The following PLXNA4 variants were observed in gnomAD, a reference collection of about 807,000 sequenced individuals.
PLXNA4 encodes plexin A4, also known as plexin-A4.
Under a neutral mutation model 191.8 loss-of-function variants are expected in PLXNA4, and 44 were observed. The observed-to-expected ratio is 0.23, with a 90% CI of 0.18 to 0.29. The LOEUF is 0.29. Ranked by LOEUF, PLXNA4 falls within the 10% of genes least tolerant of loss-of-function variation. The probability of loss-of-function intolerance (pLI) is 1.00; values close to 1 mark genes in which losing one functional copy is unlikely to be tolerated. For missense variants in PLXNA4, 1,800 were observed against 2,488.8 expected, an observed-to-expected ratio of 0.72 and a Z score of 5.89; for synonymous variants, 1,082 against 1,009.5, an observed-to-expected ratio of 1.07 and a Z score of -1.36.
At chr7:132,530,946 ATAT>A in intron 1 of PLXNA4, among the ~76,000 whole-genome samples, 1 of 152,386 alleles carries the variant, frequency 6.6e-6, no homozygotes, top group South Asian at 2.1e-4. Context: ...AACCTTAAAA[ATAT>A]TATGCTAAGT....
chr7:132,387,395 G>C (rs1437518415), intron 3 of PLXNA4, among the ~76,000 whole-genome samples: 2 of 152,228 alleles, frequency 1.3e-5, no homozygotes, highest in East Asian at 1.9e-4. Flanking sequence ...TTTGAGTAAA[G>C]GAGATACTCA....
intron 3 of PLXNA4, among the ~76,000 whole-genome samples, chr7:132,472,945 C>A (rs1041001503): frequency 6.6e-6 from 1 of 152,198 alleles, no homozygotes; most frequent in Non-Finnish European, 1.5e-5. Context: ...GGACACACTT[C>A]GTTTGAGATG....
chr7:132,220,818 T>C (rs1338221499), intron 9 of PLXNA4, among the ~76,000 whole-genome samples: 3 of 146,228 alleles, frequency 2.1e-5, no homozygotes, highest in Non-Finnish European at 3.0e-5. Flanking sequence ...TTCTTTTTTT[T>C]TTTTTTTTTT....
At chr7:132,272,884 A>G (rs1800130335) in intron 4 of PLXNA4, among the ~76,000 whole-genome samples, 1 of 152,106 alleles carries the variant, frequency 6.6e-6, no homozygotes, top group African/African-American at 2.4e-5. Context: ...CTCGTTCTCC[A>G]TGTTACCTCT....
At chr7:132,230,924 C>G (rs934360842) in intron 5 of PLXNA4, among the ~76,000 whole-genome samples, 4 of 152,194 alleles carry the variant, frequency 2.6e-5, no homozygotes, top group Non-Finnish European at 5.9e-5. Context: ...AGACAGGACT[C>G]TATCTCTCTT....
chr7:132,514,597 T>C (rs1360717387), intron 1 of PLXNA4, among the ~76,000 whole-genome samples: 1 of 152,070 alleles, frequency 6.6e-6, no homozygotes, highest in Non-Finnish European at 1.5e-5. Context: ...GTGGGCCTCA[T>C]GTAATCAGTT....
intron 3 of PLXNA4, among the ~76,000 whole-genome samples, chr7:132,377,311 G>A (rs950494347): frequency 6.6e-6 from 1 of 151,392 alleles, no homozygotes; most frequent in Non-Finnish European, 1.5e-5. Context: ...CAAGCCAAGT[G>A]ACCTTTGCCT....
intron 3 of PLXNA4, among the ~76,000 whole-genome samples, chr7:132,472,359 T>A (rs1796963635): frequency 6.6e-6 from 1 of 152,236 alleles, no homozygotes; most frequent in African/African-American, 2.4e-5. Context: ...ATCAATTATC[T>A]ATATTTTGCT....
intron 2 of PLXNA4, among the ~76,000 whole-genome samples, chr7:132,591,250 A>G (rs1489681780): frequency 6.6e-6 from 1 of 152,192 alleles, no homozygotes; most frequent in East Asian, 1.9e-4. Context: ...GACAAGAGGG[A>G]AGAAAAGCGA....
chr7:132,570,643 T>C (rs914807106), intron 1 of PLXNA4, among the ~76,000 whole-genome samples: 7 of 152,192 alleles, frequency 4.6e-5, no homozygotes, highest in Non-Finnish European at 1.0e-4. Flanking sequence ...CCACTGCTTC[T>C]CTCCTCATAC....
At chr7:132,515,999 A>G (rs745836641) in intron 1 of PLXNA4, among the ~76,000 whole-genome samples, 1 of 152,212 alleles carries the variant, frequency 6.6e-6, no homozygotes, top group Non-Finnish European at 1.5e-5. Flanking sequence ...TAGGTGTATA[A>G]TAGATGTTTG....
intron 1 of PLXNA4, among the ~76,000 whole-genome samples, chr7:132,563,275 C>G (rs1801425565): frequency 8.1e-6 from 1 of 122,850 alleles, no homozygotes; most frequent in East Asian, 2.8e-4. Flanking sequence ...CTTCATCCTC[C>G]TCCTCCTTCT....
chr7:132,445,485 A>G (rs1795871512), intron 3 of PLXNA4, among the ~76,000 whole-genome samples: 1 of 151,634 alleles, frequency 6.6e-6, no homozygotes, highest in Non-Finnish European at 1.5e-5. Flanking sequence ...CTAGTTGCCT[A>G]CTGCCATGGG....
intron 9 of PLXNA4, among the ~76,000 whole-genome samples, chr7:132,218,563 T>C (rs1299271209): frequency 1.3e-5 from 2 of 152,256 alleles, no homozygotes; most frequent in Non-Finnish European, 2.9e-5. Context: ...GATTTGCTTT[T>C]GCAAGGAAGT....
intron 9 of PLXNA4, 94 bp from the exon 10 acceptor site, chr7:132,211,237 C>G: frequency 1.5e-6 from 2 of 1,353,012 alleles, no homozygotes; most frequent in South Asian, 2.7e-5. Flanking sequence ...CTGTCTCCAC[C>G]CTTCCATGGA....
At chr7:132,620,207 G>A (rs912035413) in intron 2 of PLXNA4, among the ~76,000 whole-genome samples, 16 of 152,300 alleles carry the variant, frequency 1.1e-4, no homozygotes, top group Admixed American at 5.9e-4. Flanking sequence ...CAGTATGCAC[G>A]TTCTCATAAT....
chr7:132,450,849 GT>G (rs1796094210), intron 3 of PLXNA4, among the ~76,000 whole-genome samples: 1 of 152,186 alleles, frequency 6.6e-6, no homozygotes, highest in Admixed American at 6.5e-5. Flanking sequence ...CCCTGAGCAA[GT>G]CGGAGGCCCA....
intron 9 of PLXNA4, among the ~76,000 whole-genome samples, chr7:132,220,810 CTTTTT>C (rs35090579): frequency 9.9e-6 from 1 of 100,782 alleles, no homozygotes; most frequent in Non-Finnish European, 1.9e-5. Context: ...TTATTTTATT[CTTTTT>C]TTTTTTTTTT....
intron 3 of PLXNA4, among the ~76,000 whole-genome samples, chr7:132,316,965 T>A (rs1801967104): frequency 6.6e-6 from 1 of 151,846 alleles, no homozygotes. Flanking sequence ...TTGGGTTAGG[T>A]TGGGCTGTGT....
Sources: allele counts gnomAD v4.1 joint callset (sites outside exome capture counted in the v4.1 genomes callset), GRCh38; gene constraint gnomAD v4.1.1; transcripts MANE v1.5; gene names NCBI Gene and HGNC (gene_info 2026-07-23, HGNC 2026-07-21).